ZBTB20: variants seen among roughly 807,000 people sequenced by gnomAD.
ZBTB20 encodes zinc finger and BTB domain containing 20.
A neutral mutation model predicts 56.9 loss-of-function variants in ZBTB20; 9 were observed. The observed-to-expected ratio is 0.16, with a 90% confidence interval of 0.10 to 0.28. The LOEUF (loss-of-function observed/expected upper bound fraction) is 0.28, where lower values mean the gene tolerates loss of function less well. ZBTB20 is among the 10% of genes least tolerant of loss of function. The pLI is 1.00. For missense variants in ZBTB20, 655 were observed against 1,003.0 expected, an observed-to-expected ratio of 0.65 and a Z score of 4.69; for synonymous variants, 417 against 420.7, an observed-to-expected ratio of 0.99 and a Z score of 0.11.
intron 4 of ZBTB20, among the ~76,000 whole-genome samples, chr3:114,821,242 T>G (rs2073224297): frequency 1.3e-5 from 2 of 152,284 alleles, no homozygotes; most frequent in Middle Eastern, 3.4e-3. Context: ...GCTACTCAAC[T>G]GCAGAATAAT....
At chr3:114,739,872 A>C (rs1269335407) in intron 5 of ZBTB20, among the ~76,000 whole-genome samples, 2 of 152,312 alleles carry the variant, frequency 1.3e-5, no homozygotes, top group East Asian at 3.9e-4. Flanking sequence ...CTTTATGAGA[A>C]TATGCCCATT....
At chr3:114,540,205 CAAAGG>C (rs1206446032) in intron 6 of ZBTB20, among the ~76,000 whole-genome samples, 1 of 151,882 alleles carries the variant, frequency 6.6e-6, no homozygotes, top group Non-Finnish European at 1.5e-5. Context: ...TGTTAGTTTG[CAAAGG>C]ATAATATTAC....
At chr3:114,343,991 G>T (rs2079992982) in intron 11 of ZBTB20, among the ~76,000 whole-genome samples, 1 of 151,972 alleles carries the variant, frequency 6.6e-6, no homozygotes, top group Non-Finnish European at 1.5e-5. Flanking sequence ...GGAGGTTGAA[G>T]TGAGCAGAGA....
intron 6 of ZBTB20, among the ~76,000 whole-genome samples, chr3:114,631,637 T>C (rs906520266): frequency 1.4e-4 from 21 of 152,092 alleles, no homozygotes; most frequent in African/African-American, 4.8e-4. Flanking sequence ...GTGATCCGCC[T>C]GCCTCGGCCT....
intron 6 of ZBTB20, among the ~76,000 whole-genome samples, chr3:114,635,509 C>T (rs1472360733): frequency 6.6e-6 from 1 of 151,860 alleles, no homozygotes. Context: ...CTTAAAGAAG[C>T]CCAGTGAGTT....
intron 6 of ZBTB20, among the ~76,000 whole-genome samples, chr3:114,620,405 G>C (rs893833350): frequency 6.6e-6 from 1 of 152,036 alleles, no homozygotes; most frequent in African/African-American, 2.4e-5. Context: ...CGATTCTCCT[G>C]CCTCAGCCTC....
At chr3:114,631,269 G>A (rs1040621029) in intron 6 of ZBTB20, among the ~76,000 whole-genome samples, 3 of 148,754 alleles carry the variant, frequency 2.0e-5, no homozygotes, top group Admixed American at 6.8e-5. Context: ...AAATTGCCTC[G>A]ATTATCATTT....
At chr3:114,536,003 T>C (rs1437547649) in intron 6 of ZBTB20, among the ~76,000 whole-genome samples, 1 of 152,174 alleles carries the variant, frequency 6.6e-6, no homozygotes, top group African/African-American at 2.4e-5. Flanking sequence ...TATCTCAAAA[T>C]AATAAGGGCT....
chr3:114,964,188 G>C (rs894788684), intron 3 of ZBTB20, among the ~76,000 whole-genome samples: 2 of 152,136 alleles, frequency 1.3e-5, no homozygotes, highest in African/African-American at 4.8e-5. Context: ...GCCAAGGTGG[G>C]TGGATCACCT....
chr3:114,844,771 T>C (rs1311034097), intron 4 of ZBTB20, among the ~76,000 whole-genome samples: 1 of 151,104 alleles, frequency 6.6e-6, no homozygotes, highest in Non-Finnish European at 1.5e-5. Context: ...TGTGTAATAG[T>C]GTCTCATGAT....
At chr3:114,538,051 C>A (rs985837650) in intron 6 of ZBTB20, among the ~76,000 whole-genome samples, 3 of 152,028 alleles carry the variant, frequency 2.0e-5, no homozygotes, top group African/African-American at 4.8e-5. Context: ...TTGATACGTG[C>A]AGCAAACCAC....
At chr3:115,094,507 A>G (rs2083308229) in intron 1 of ZBTB20, among the ~76,000 whole-genome samples, 1 of 151,374 alleles carries the variant, frequency 6.6e-6, no homozygotes, top group African/African-American at 2.4e-5. Flanking sequence ...AAAATTACAT[A>G]GCCTGGAACA....
At chr3:115,013,339 G>A (rs2079802679) in intron 2 of ZBTB20, among the ~76,000 whole-genome samples, 2 of 151,598 alleles carry the variant, frequency 1.3e-5, no homozygotes, top group East Asian at 3.9e-4. Flanking sequence ...AATCAGAGAT[G>A]TAAAAGGAGA....
chr3:114,986,258 G>T (rs948275395), intron 2 of ZBTB20, among the ~76,000 whole-genome samples: 2 of 151,958 alleles, frequency 1.3e-5, no homozygotes, highest in African/African-American at 4.8e-5. Context: ...GGGTGTTCTT[G>T]GCATTACATT....
intron 2 of ZBTB20, among the ~76,000 whole-genome samples, chr3:114,994,273 T>A (rs183821334): frequency 1.2e-3 from 179 of 151,948 alleles, no homozygotes; most frequent in African/African-American, 4.0e-3. Flanking sequence ...AAAACCTGAA[T>A]AAATTTATGA....
At chr3:115,055,253 A>C (rs1242494960) in intron 2 of ZBTB20, among the ~76,000 whole-genome samples, 4 of 139,104 alleles carry the variant, frequency 2.9e-5, no homozygotes, top group Admixed American at 7.6e-5. Flanking sequence ...GAAGAAACCA[A>C]CTGTCATGTC....
chr3:114,988,205 T>A (rs2078635218), intron 2 of ZBTB20, among the ~76,000 whole-genome samples: 1 of 150,856 alleles, frequency 6.6e-6, no homozygotes, highest in Admixed American at 6.6e-5. Context: ...CATTAACTCG[T>A]CATTTACATT....
At chr3:114,857,213 T>C (rs879771914) in intron 4 of ZBTB20, among the ~76,000 whole-genome samples, 3 of 152,176 alleles carry the variant, frequency 2.0e-5, no homozygotes, top group Non-Finnish European at 4.4e-5. Flanking sequence ...ACAAGTGAGA[T>C]AAATGGTAAA....
chr3:114,996,366 C>A (rs1412284207), intron 2 of ZBTB20, among the ~76,000 whole-genome samples: 3 of 151,508 alleles, frequency 2.0e-5, no homozygotes, highest in African/African-American at 7.3e-5. Flanking sequence ...TAGCCTCCCA[C>A]CCCCCAAAAG....
Sources: allele counts gnomAD v4.1 joint callset (sites outside exome capture counted in the v4.1 genomes callset), GRCh38; gene constraint gnomAD v4.1.1; transcripts MANE v1.5; gene names NCBI Gene and HGNC (gene_info 2026-07-23, HGNC 2026-07-21).